GALNT13: variants seen among roughly 807,000 people sequenced by gnomAD.
GALNT13 encodes polypeptide N-acetylgalactosaminyltransferase 13.
A neutral mutation model predicts 64.2 loss-of-function variants in GALNT13; 28 were observed. The ratio of observed to expected loss-of-function variants is 0.44; its 90% CI spans 0.32 to 0.60. The LOEUF is 0.60. Among genes scored for constraint, GALNT13 ranks in the 20% least tolerant of loss-of-function variants. The pLI is 0.05. For synonymous variants in GALNT13, 214 were observed against 224.6 expected (o/e 0.95, Z 0.42); for missense variants, 577 against 669.8 (o/e 0.86, Z 1.53).
the GALNT13 span, among the ~76,000 whole-genome samples, chr2:153,635,220 A>T: frequency 3.3e-5 from 5 of 151,606 alleles, no homozygotes; most frequent in African/African-American, 1.2e-4. Flanking sequence ...CAGTTGAAAC[A>T]TTTTTTTCTG....
the GALNT13 span, among the ~76,000 whole-genome samples, chr2:153,797,631 A>C: frequency 6.6e-6 from 1 of 152,220 alleles, no homozygotes; most frequent in African/African-American, 2.4e-5. Context: ...TTCTTTTGGT[A>C]ACGGGAAGTG....
At chr2:153,988,518 T>C (rs1275694191) in intron 3 of GALNT13, among the ~76,000 whole-genome samples, 1 of 152,028 alleles carries the variant, frequency 6.6e-6, no homozygotes, top group Non-Finnish European at 1.5e-5. Context: ...TTTTTGAGGC[T>C]GAATAGTATT....
chr2:153,698,029 T>G, the GALNT13 span, among the ~76,000 whole-genome samples: 654 of 152,222 alleles, frequency 4.3e-3, 4 homozygotes, highest in African/African-American at 0.015. Flanking sequence ...AAAATCCTTA[T>G]CAGACAAGCA....
chr2:153,477,511 A>G, the GALNT13 span: 1 of 152,478 alleles, frequency 6.6e-6, no homozygotes, highest in Non-Finnish European at 1.5e-5. Flanking sequence ...GACGCCTCCC[A>G]AAAGACCCAG....
chr2:153,398,712 A>G, the GALNT13 span, among the ~76,000 whole-genome samples: 6 of 151,246 alleles, frequency 4.0e-5, no homozygotes, highest in Non-Finnish European at 7.4e-5. Context: ...TTGGCTGCAT[A>G]AATGTCTTCT....
the GALNT13 span, among the ~76,000 whole-genome samples, chr2:153,580,516 G>A: frequency 6.6e-6 from 1 of 152,130 alleles, no homozygotes; most frequent in African/African-American, 2.4e-5. Context: ...TGAGAAATAA[G>A]TTTTTTCTAA....
At chr2:153,197,889 T>A in the GALNT13 span, among the ~76,000 whole-genome samples, 1 of 152,014 alleles carries the variant, frequency 6.6e-6, no homozygotes, top group Non-Finnish European at 1.5e-5. Flanking sequence ...GGGAGGTTGC[T>A]GTCAGGGATA....
At chr2:154,095,856 A>G (rs1702047803) in intron 3 of GALNT13, among the ~76,000 whole-genome samples, 1 of 151,928 alleles carries the variant, frequency 6.6e-6, no homozygotes, top group Admixed American at 6.6e-5. Flanking sequence ...GAACTCCTGA[A>G]AGTTCAATAT....
the GALNT13 span, among the ~76,000 whole-genome samples, chr2:153,828,954 T>G: frequency 6.6e-6 from 1 of 152,214 alleles, no homozygotes; most frequent in African/African-American, 2.4e-5. Flanking sequence ...TCTCAGGCAG[T>G]GCCAAAATGC....
the GALNT13 span, among the ~76,000 whole-genome samples, chr2:153,360,155 T>TG: frequency 6.6e-6 from 1 of 150,938 alleles, no homozygotes; most frequent in African/African-American, 2.4e-5. Flanking sequence ...GGAAGAGCAG[T>TG]GGGGTATGAC....
At chr2:153,235,177 T>A in the GALNT13 span, among the ~76,000 whole-genome samples, 1 of 152,120 alleles carries the variant, frequency 6.6e-6, no homozygotes, top group Admixed American at 6.6e-5. Flanking sequence ...GGCCACCCTA[T>A]TCTGAGACAT....
the GALNT13 span, among the ~76,000 whole-genome samples, chr2:153,409,022 C>T: frequency 2.0e-5 from 3 of 152,076 alleles, no homozygotes; most frequent in East Asian, 5.8e-4. Flanking sequence ...ATGTTTCCTG[C>T]CCTCAAACAC....
chr2:153,106,138 G>T, the GALNT13 span, among the ~76,000 whole-genome samples: 1 of 152,100 alleles, frequency 6.6e-6, no homozygotes, highest in Non-Finnish European at 1.5e-5. Flanking sequence ...CTCCCTCAAA[G>T]ATTACTTTTG....
chr2:153,668,399 C>A, the GALNT13 span, among the ~76,000 whole-genome samples: 1 of 152,128 alleles, frequency 6.6e-6, no homozygotes, highest in Non-Finnish European at 1.5e-5. Flanking sequence ...GTCATATGAA[C>A]TGAAATCTCA....
intron 11 of GALNT13, among the ~76,000 whole-genome samples, chr2:154,414,182 T>G (rs1012005897): frequency 2.0e-5 from 3 of 152,032 alleles, no homozygotes; most frequent in African/African-American, 7.2e-5. Flanking sequence ...ATTAGAAGGC[T>G]TTTAAGGTAT....
chr2:153,775,844 T>A, the GALNT13 span, among the ~76,000 whole-genome samples: 1 of 152,148 alleles, frequency 6.6e-6, no homozygotes, highest in African/African-American at 2.4e-5. Flanking sequence ...TTACTAGAAA[T>A]TAGGTTCACA....
the GALNT13 span, among the ~76,000 whole-genome samples, chr2:153,271,078 CA>C: frequency 9.9e-5 from 15 of 151,892 alleles, no homozygotes; most frequent in Non-Finnish European, 1.8e-4. Flanking sequence ...CCCTTCATGC[CA>C]AAAACTCTCT....
At chr2:154,079,984 G>T (rs1257202072) in intron 3 of GALNT13, among the ~76,000 whole-genome samples, 3 of 151,350 alleles carry the variant, frequency 2.0e-5, no homozygotes, top group African/African-American at 7.3e-5. Flanking sequence ...GAGTATATTT[G>T]GGTATAATGT....
At chr2:154,306,409 T>C (rs1693735017) in intron 9 of GALNT13, among the ~76,000 whole-genome samples, 1 of 152,142 alleles carries the variant, frequency 6.6e-6, no homozygotes, top group African/African-American at 2.4e-5. Flanking sequence ...TGTTTGGTGT[T>C]CTGTTCCTGC....
Sources: allele counts gnomAD v4.1 joint callset (sites outside exome capture counted in the v4.1 genomes callset), GRCh38; gene constraint gnomAD v4.1.1; transcripts MANE v1.5; gene names NCBI Gene and HGNC (gene_info 2026-07-23, HGNC 2026-07-21).